HCRTR2: variants seen among roughly 807,000 people sequenced by gnomAD.
The protein encoded by HCRTR2 is orexin receptor type 2.
Under a neutral mutation model 49.0 loss-of-function variants are expected in HCRTR2, and 22 were observed. The ratio of observed to expected loss-of-function variants is 0.45; its 90% CI spans 0.32 to 0.64. The LOEUF (loss-of-function observed/expected upper bound fraction) is 0.64, where lower values mean the gene tolerates loss of function less well. Among genes scored for constraint, HCRTR2 ranks in the 30% least tolerant of loss-of-function variants. The pLI is 0.04. For missense variants in HCRTR2, 491 were observed against 559.4 expected, an observed-to-expected ratio of 0.88 and a Z score of 1.23; for synonymous variants, 236 against 205.3, an observed-to-expected ratio of 1.15 and a Z score of -1.28.
chr6:55,116,737 CCA>C (rs1451122834), intron 1 of HCRTR2, among the ~76,000 whole-genome samples: 1 of 128,168 alleles, frequency 7.8e-6, no homozygotes, highest in Admixed American at 8.4e-5. Flanking sequence ...AACTCTTATT[CCA>C]GTGGCAACAG....
chr6:55,258,546 C>A (rs1433339505), intron 3 of HCRTR2, among the ~76,000 whole-genome samples: 1 of 152,000 alleles, frequency 6.6e-6, no homozygotes, highest in East Asian at 1.9e-4. Flanking sequence ...ATAAAAAGAA[C>A]CATAAGCCAT....
At chr6:55,187,569 G>A (rs1765241911) in intron 1 of HCRTR2, among the ~76,000 whole-genome samples, 2 of 151,516 alleles carry the variant, frequency 1.3e-5, no homozygotes, top group African/African-American at 4.9e-5. Flanking sequence ...TTACAGAATG[G>A]GCTTCTTGGA....
At chr6:55,149,224 A>C (rs2127257090) in intron 1 of HCRTR2, among the ~76,000 whole-genome samples, 1 of 152,214 alleles carries the variant, frequency 6.6e-6, no homozygotes, top group South Asian at 2.1e-4. Context: ...TTTTGTGGAA[A>C]AAATTACTTT....
chr6:55,253,101 A>G (rs1766584191), intron 2 of HCRTR2, among the ~76,000 whole-genome samples: 2 of 151,942 alleles, frequency 1.3e-5, no homozygotes, highest in African/African-American at 4.8e-5. Context: ...CTGGTTGCAG[A>G]CTCGATTCCA....
intron 1 of HCRTR2, among the ~76,000 whole-genome samples, chr6:55,125,520 A>G (rs376155166): frequency 3.9e-5 from 6 of 152,022 alleles, no homozygotes; most frequent in African/African-American, 1.4e-4. Flanking sequence ...GGGTAACCCG[A>G]CCTTTCTCTC....
At chr6:55,220,726 A>C (rs756448767) in intron 1 of HCRTR2, among the ~76,000 whole-genome samples, 1 of 152,198 alleles carries the variant, frequency 6.6e-6, no homozygotes, top group Non-Finnish European at 1.5e-5. Context: ...TGCAAGAATA[A>C]GAAATAAAAA....
chr6:55,182,048 C>T (rs1458356635), intron 1 of HCRTR2, among the ~76,000 whole-genome samples: 1 of 152,184 alleles, frequency 6.6e-6, no homozygotes, highest in Admixed American at 6.5e-5. Flanking sequence ...CAAACAAACC[C>T]TGAATTTTCA....
At chr6:55,181,034 T>C (rs944762292) in intron 1 of HCRTR2, among the ~76,000 whole-genome samples, 23 of 151,846 alleles carry the variant, frequency 1.5e-4, no homozygotes, top group African/African-American at 5.3e-4. Context: ...TCTTGAACTC[T>C]TGCCCTTGTT....
At chr6:55,219,773 TA>T (rs1334319111) in intron 1 of HCRTR2, among the ~76,000 whole-genome samples, 1 of 151,776 alleles carries the variant, frequency 6.6e-6, no homozygotes, top group Non-Finnish European at 1.5e-5. Context: ...AGCTGCTTTT[TA>T]AAGATCAATA....
intron 1 of HCRTR2, among the ~76,000 whole-genome samples, chr6:55,133,903 A>G (rs1764397407): frequency 6.6e-6 from 1 of 151,880 alleles, no homozygotes; most frequent in African/African-American, 2.4e-5. Flanking sequence ...GCCATAACAT[A>G]GTATAAAAAG....
intron 1 of HCRTR2, among the ~76,000 whole-genome samples, chr6:55,153,387 C>T (rs556707993): frequency 5.7e-4 from 86 of 152,066 alleles, no homozygotes; most frequent in Admixed American, 1.7e-3. Context: ...AGCCAACAAA[C>T]GTGTAGCATA....
upstream of HCRTR2, chr6:55,174,460 A>G (rs1197387253): frequency 4.9e-6 from 4 of 822,398 alleles, no homozygotes; most frequent in African/African-American, 6.8e-5. Context: ...GTAACTTTTC[A>G]CGTCATTTTC....
At chr6:55,134,570 G>C (rs958152485) in intron 1 of HCRTR2, among the ~76,000 whole-genome samples, 1 of 151,716 alleles carries the variant, frequency 6.6e-6, no homozygotes, top group Non-Finnish European at 1.5e-5. Flanking sequence ...TAGATCCCCA[G>C]ATCTTATTCA....
chr6:55,193,494 A>T (rs1297440482), intron 1 of HCRTR2, among the ~76,000 whole-genome samples: 1 of 151,826 alleles, frequency 6.6e-6, no homozygotes, highest in Non-Finnish European at 1.5e-5. Flanking sequence ...CAAAGAAACA[A>T]CAACAACAAC....
chr6:55,269,775 G>A (rs980736656), intron 4 of HCRTR2, among the ~76,000 whole-genome samples: 6 of 152,086 alleles, frequency 3.9e-5, no homozygotes, highest in Admixed American at 2.6e-4. Flanking sequence ...CATAGTCAAC[G>A]TGGTGAAACC....
intron 1 of HCRTR2, among the ~76,000 whole-genome samples, chr6:55,135,038 A>C (rs548353233): frequency 6.6e-6 from 1 of 152,168 alleles, no homozygotes; most frequent in Non-Finnish European, 1.5e-5. Context: ...AGGATGAAGA[A>C]AGCTTCGCTA....
chr6:55,243,768 G>C (rs140382391), intron 1 of HCRTR2, among the ~76,000 whole-genome samples: 1 of 151,932 alleles, frequency 6.6e-6, no homozygotes, highest in Non-Finnish European at 1.5e-5. Flanking sequence ...CTTTGTGCCC[G>C]TAGAGAGATA....
intron 1 of HCRTR2, among the ~76,000 whole-genome samples, chr6:55,197,838 G>T (rs763153265): frequency 6.6e-6 from 1 of 151,994 alleles, no homozygotes; most frequent in Non-Finnish European, 1.5e-5. Flanking sequence ...AGCAAGGATG[G>T]TCTCAATCCC....
chr6:55,161,886 C>T (rs977432678), intron 1 of HCRTR2, among the ~76,000 whole-genome samples: 6 of 152,064 alleles, frequency 3.9e-5, no homozygotes, highest in Non-Finnish European at 5.9e-5. Flanking sequence ...GGATTCACAG[C>T]CAAATTCTAC....
Sources: gnomAD v4.1 joint callset for allele counts (sites outside exome capture counted in the v4.1 genomes callset) on GRCh38, gnomAD v4.1.1 for gene constraint, MANE v1.5 for transcripts, NCBI Gene and HGNC (gene_info 2026-07-23, HGNC 2026-07-21) for gene names.